PDE9A: variants seen among roughly 807,000 people sequenced by gnomAD.
The protein encoded by PDE9A is phosphodiesterase 9A, also known as high affinity cGMP-specific 3',5'-cyclic phosphodiesterase 9A.
In PDE9A, 60 loss-of-function variants were observed where a neutral mutation model predicts 87.4. The observed-to-expected ratio is 0.69, with a 90% confidence interval of 0.56 to 0.85. PDE9A has a LOEUF of 0.85. PDE9A is among the 40% of genes least tolerant of loss of function. PDE9A has a pLI of 0.00. For missense variants in PDE9A, 665 were observed against 779.0 expected, an observed-to-expected ratio of 0.85 and a Z score of 1.74; for synonymous variants, 272 against 279.4, an observed-to-expected ratio of 0.97 and a Z score of 0.27.
At chr21:42,731,664 G>A (rs749383052) in intron 4 of PDE9A, 106 bp from the exon 5 acceptor site, 61 of 1,142,426 alleles carry the variant, frequency 5.3e-5, no homozygotes, top group African/African-American at 1.5e-4. Flanking sequence ...GAATTGAGAC[G>A]TGCCTTGCAC....
intron 7 of PDE9A, chr21:42,734,557 C>G (rs2052189366): frequency 6.6e-6 from 1 of 152,276 alleles, no homozygotes; most frequent in Non-Finnish European, 1.5e-5. Flanking sequence ...GGCTGATTGA[C>G]TGAATGTCGT....
rs192047781 is a variant in PDE9A at position 42,682,817 on chromosome 21, C to T, written c.70-3375C>T. On this transcript the variant is annotated intron_variant, in intron 1 of 19. Coordinates refer to ENST00000291539, the MANE Select transcript of PDE9A (RefSeq NM_002606.3). The stretch of plus-strand genomic sequence containing the variant: ...GCCCAGCAAATGAGCGTCGTTCTCA[C>T]GCACGTCTCTCAGGCTTAGGCTCGG... Among the ~76,000 whole-genome samples, 711 of 152,320 alleles carry T rather than the reference C, an allele frequency of 4.7e-3. 6 individuals are homozygous for T. The highest frequency in any genetic ancestry group is 0.02 in the Middle Eastern group (6 of 294).
intron 4 of PDE9A, among the ~76,000 whole-genome samples, chr21:42,717,982 C>A (rs1384914978): frequency 6.6e-6 from 1 of 151,312 alleles, no homozygotes; most frequent in Admixed American, 6.6e-5. Context: ...TGCAGTGGTG[C>A]GATCTCGGCT....
Position 42,739,908 on chromosome 21 carries a change from A to G in PDE9A, c.569-3868A>G, listed in dbSNP as rs1017472612. Among the ~76,000 whole-genome samples the G allele has an allele frequency of 1.3e-5, 2 of 152,142 alleles. No homozygotes were observed. The highest frequency in any genetic ancestry group is 2.9e-5 in the Non-Finnish European group (2 of 68,024). ...TATCCTGCTCAGTATGATAAATAGC[A>G]TTTTCCTCGGGGGATAAAAAGAAAA... On this transcript the variant is annotated intron_variant, in intron 7 of 19. Coordinates refer to ENST00000291539, the MANE Select transcript of PDE9A (RefSeq NM_002606.3). The surrounding 1 kb of genome is among the most constrained non-coding windows in gnomAD (Gnocchi z 4.1).
At chr21:42,657,446 G>A (rs757064786) in intron 1 of PDE9A, among the ~76,000 whole-genome samples, 73 of 152,342 alleles carry the variant, frequency 4.8e-4, no homozygotes, top group African/African-American at 1.2e-3. Context: ...TGTCCTCTAG[G>A]AGCTGAAGCG....
chr21:42,751,778 C>T (rs1471062266), intron 9 of PDE9A, among the ~76,000 whole-genome samples: 3 of 131,022 alleles, frequency 2.3e-5, no homozygotes, highest in Non-Finnish European at 4.7e-5. Context: ...CAGTGTTTCA[C>T]TCTTGTTGCC....
intron 1 of PDE9A, among the ~76,000 whole-genome samples, chr21:42,654,473 G>T (rs1300377934): frequency 6.6e-6 from 1 of 152,202 alleles, no homozygotes; most frequent in Non-Finnish European, 1.5e-5. Flanking sequence ...CACGGGAGAG[G>T]GGTTCAGAAT....
chr21:42,757,223 CA>C (rs1401060086), intron 10 of PDE9A: 2 of 152,268 alleles, frequency 1.3e-5, no homozygotes, highest in African/African-American at 2.4e-5. Flanking sequence ...ACTGTCTCCC[CA>C]AGGAAAACGA....
At position 42,693,198 on chromosome 21, in the gene PDE9A, C is replaced by T. The variant is rs994542794; in HGVS notation, c.218+5204C>T. Among the ~76,000 whole-genome samples the T allele has an allele frequency of 3.9e-5, 6 of 152,202 alleles. 1 individual carries two copies. The South Asian group carries it at 1.2e-3, about 31-fold the overall frequency. On this transcript the variant is annotated intron_variant, in intron 3 of 19. Coordinates refer to ENST00000291539, the MANE Select transcript of PDE9A (RefSeq NM_002606.3). ...CCGTCAATTTGTGCTTTCAGGCGTC[C>T]TAAGCACACACGCCTGCTCTTATTT...
intron 18 of PDE9A, 68 bp from the exon 19 acceptor site, chr21:42,772,371 G>A: frequency 9.6e-7 from 1 of 1,037,118 alleles, no homozygotes. Context: ...GAAGCTGCTG[G>A]GAGAGAGGCA....
At chr21:42,741,506 G>A in intron 7 of PDE9A, 1 of 152,390 alleles carries the variant, frequency 6.6e-6, no homozygotes, top group Non-Finnish European at 1.5e-5. Context: ...GACCACACTG[G>A]CTCCAGCCAC....
chr21:42,659,966 C>A lies in PDE9A; in HGVS notation c.69+6083C>A, dbSNP rs1433417414. Among the ~76,000 whole-genome samples the A allele has an allele frequency of 6.6e-6, 1 of 152,228 alleles. No homozygotes were observed. The highest frequency in any genetic ancestry group is 1.5e-5 in the Non-Finnish European group (1 of 68,038). On this transcript the variant is annotated intron_variant, in intron 1 of 19. Coordinates refer to ENST00000291539, the MANE Select transcript of PDE9A (RefSeq NM_002606.3). This position sits in a 1 kb window ranked among gnomAD's most constrained non-coding sequence, Gnocchi z 4.1. Reference sequence around the variant, plus strand: ...AACGGGGACGAGCCGGGCAGCTGATCTCAGTGCAGCAACTGGGACACCTCG... The same window carrying A: ...AACGGGGACGAGCCGGGCAGCTGATATCAGTGCAGCAACTGGGACACCTCG...
At chr21:42,716,386 C>T (rs908075157) in intron 4 of PDE9A, among the ~76,000 whole-genome samples, 1 of 151,876 alleles carries the variant, frequency 6.6e-6, no homozygotes, top group Non-Finnish European at 1.5e-5. Context: ...CCACATCCTC[C>T]CCAGCTTTTG....
intron 8 of PDE9A, among the ~76,000 whole-genome samples, chr21:42,746,998 A>G (rs975824047): frequency 6.6e-6 from 1 of 152,216 alleles, no homozygotes; most frequent in Admixed American, 6.5e-5. Context: ...CCAAAACGGA[A>G]CAGGGTAAAA....
At chr21:42,667,344 A>G (rs1487659371) in intron 1 of PDE9A, among the ~76,000 whole-genome samples, 1 of 152,244 alleles carries the variant, frequency 6.6e-6, no homozygotes, top group Non-Finnish European at 1.5e-5. Context: ...ACCAGGGAAC[A>G]GGGTGCTGAC....
intron 4 of PDE9A, among the ~76,000 whole-genome samples, chr21:42,712,527 T>C (rs571860101): frequency 1.3e-5 from 2 of 152,338 alleles, no homozygotes; most frequent in African/African-American, 4.8e-5. Flanking sequence ...ACTTGTCTTG[T>C]TGTACTAGTT....
At position 42,768,222 on chromosome 21, in the gene PDE9A, C is replaced by G; in HGVS notation, c.1391C>G (p.Ser464Cys). ...KMILIKCCDI[S>C]NEVRPMEVAE... Reference sequence around the variant, plus strand: ...ATTTTGATAAAATGCTGTGATATCTCTAACGAGGTCCGTCCAATGGAAGTC... The same window carrying G: ...ATTTTGATAAAATGCTGTGATATCTGTAACGAGGTCCGTCCAATGGAAGTC... The change falls in exon 16 of 20, where the codon TCT (serine) becomes TGT (cysteine). Residue 464 changes from serine to cysteine, a missense_variant. Physicochemically the swap from Ser to Cys is moderately radical, Grantham distance 112. Transcript: ENST00000291539. The G allele has an allele frequency of 6.2e-7, 1 of 1,610,944 alleles. No homozygotes were observed. The highest frequency in any genetic ancestry group is 8.5e-7 in the Non-Finnish European group (1 of 1,176,990).
intron 1 of PDE9A, among the ~76,000 whole-genome samples, chr21:42,662,870 A>C (rs1269947450): frequency 6.9e-6 from 1 of 145,182 alleles, no homozygotes; most frequent in Non-Finnish European, 1.5e-5. Flanking sequence ...ACACACGTAC[A>C]CACCACACAC....
chr21:42,762,613 CA>C (rs1449831410), intron 14 of PDE9A, among the ~76,000 whole-genome samples: 1 of 152,312 alleles, frequency 6.6e-6, no homozygotes, highest in African/African-American at 2.4e-5. Flanking sequence ...CTGCATCCAA[CA>C]TAGGAGAGCT....
Sources: gnomAD v4.1 joint callset for allele counts (sites outside exome capture counted in the v4.1 genomes callset) on GRCh38, gnomAD v4.1.1 for gene constraint, Gnocchi (gnomAD v3.1) non-coding constraint, MANE v1.5 for transcripts, NCBI Gene and HGNC (gene_info 2026-07-23, HGNC 2026-07-21) for gene names.